The following ADAMTSL1 variants were observed in gnomAD, a reference collection of about 807,000 sequenced individuals.
ADAMTSL1 encodes the protein ADAMTS like 1, also known as ADAMTS-like protein 1.
ADAMTSL1 carries 126 observed loss-of-function variants against 201.8 expected under a neutral mutation model. That is an observed-to-expected ratio of 0.62 (90% confidence interval 0.54 to 0.72). The LOEUF is 0.72. ADAMTSL1 is among the 30% of genes least tolerant of loss of function. The pLI, the probability that ADAMTSL1 is intolerant of heterozygous loss-of-function variation, is 0.00. For synonymous variants in ADAMTSL1, 1,121 were observed against 903.4 expected, an observed-to-expected ratio of 1.24 and a Z score of -4.32; for missense variants, 2,679 against 2,277.8, an observed-to-expected ratio of 1.18 and a Z score of -3.59.
intron 19 of ADAMTSL1, among the ~76,000 whole-genome samples, chr9:18,786,360 C>T (rs1340931067): frequency 1.3e-5 from 2 of 152,182 alleles, no homozygotes; most frequent in African/African-American, 4.8e-5. Flanking sequence ...GGGCAGCCCA[C>T]GGTGGTAGGA....
chr9:18,788,444 T>C (rs1193813048), intron 19 of ADAMTSL1, among the ~76,000 whole-genome samples: 1 of 129,568 alleles, frequency 7.7e-6, no homozygotes, highest in Non-Finnish European at 1.6e-5. Flanking sequence ...TAGGCCCCGG[T>C]AGATTCCTGG....
At chr9:18,161,122 G>A (rs564516511) in intron 1 of ADAMTSL1, among the ~76,000 whole-genome samples, 2 of 152,008 alleles carry the variant, frequency 1.3e-5, no homozygotes, top group Non-Finnish European at 2.9e-5. Flanking sequence ...ATACAAGCAG[G>A]CAGACATTCT....
intron 2 of ADAMTSL1, among the ~76,000 whole-genome samples, chr9:18,269,917 A>G (rs567388711): frequency 2.0e-5 from 3 of 148,016 alleles, no homozygotes; most frequent in South Asian, 2.1e-4. Flanking sequence ...TGGGTGTGTT[A>G]TTAGCTCAAT....
intron 1 of ADAMTSL1, among the ~76,000 whole-genome samples, chr9:18,477,550 G>A (rs941818688): frequency 2.6e-5 from 4 of 152,092 alleles, no homozygotes; most frequent in African/African-American, 7.2e-5. Flanking sequence ...AGGAGACCGC[G>A]GCCTGTTCCA....
intron 2 of ADAMTSL1, among the ~76,000 whole-genome samples, chr9:18,457,458 A>T (rs1462516107): frequency 6.6e-6 from 1 of 152,080 alleles, no homozygotes; most frequent in Non-Finnish European, 1.5e-5. Flanking sequence ...CAGCCTTCTG[A>T]GTGGCTGGCT....
rs1422514074 is a variant in ADAMTSL1, at chr9:18,293,592, C to G, written c.207+129611C>G. On this transcript the variant is annotated intron_variant, in intron 2 of 29. Transcript: ENST00000680146. ...AAAGATGAACTTTCCTGACTTCACACTTTTTCTCAGGCCATACCAGAGTAA... is the reference window on the plus strand; with the variant it reads ...AAAGATGAACTTTCCTGACTTCACAGTTTTTCTCAGGCCATACCAGAGTAA... 2.0e-5 allele frequency among the ~76,000 whole-genome samples: 3 copies of G among 152,194 alleles called. No homozygotes were observed. In the East Asian group the frequency reaches 5.8e-4, roughly 29 times the overall value.
chr9:17,979,716 C>T (rs1818609684), intron 1 of ADAMTSL1, among the ~76,000 whole-genome samples: 2 of 152,028 alleles, frequency 1.3e-5, no homozygotes, highest in African/African-American at 2.4e-5. Flanking sequence ...TTCTGTGGCT[C>T]TGGTGTTTGT....
intron 2 of ADAMTSL1, among the ~76,000 whole-genome samples, chr9:18,265,889 A>G (rs1025484092): frequency 1.3e-5 from 2 of 152,216 alleles, no homozygotes; most frequent in Non-Finnish European, 2.9e-5. Flanking sequence ...AATCATAAAT[A>G]TCACCTAGAA....
chr9:18,740,797 G>C (rs1307011210), intron 15 of ADAMTSL1, among the ~76,000 whole-genome samples: 2 of 152,050 alleles, frequency 1.3e-5, no homozygotes, highest in Non-Finnish European at 1.5e-5. Context: ...TTCTAGTCCT[G>C]AGCATGGGAA....
intron 2 of ADAMTSL1, among the ~76,000 whole-genome samples, chr9:18,248,080 G>A (rs1289261583): frequency 6.6e-6 from 1 of 152,140 alleles, no homozygotes; most frequent in Admixed American, 6.5e-5. Context: ...TAGTTACCAG[G>A]AAACCTATCC....
intron 1 of ADAMTSL1, among the ~76,000 whole-genome samples, chr9:18,066,741 T>G (rs1056057636): frequency 6.6e-6 from 1 of 152,192 alleles, no homozygotes; most frequent in Non-Finnish European, 1.5e-5. Flanking sequence ...TCAACCCAAA[T>G]GTCCAACAAT....
chr9:17,991,126 A>G (rs1170357689), intron 1 of ADAMTSL1, among the ~76,000 whole-genome samples: 1 of 152,186 alleles, frequency 6.6e-6, no homozygotes, highest in Admixed American at 6.5e-5. Flanking sequence ...CTTATCCCAA[A>G]CGCTGTACTG....
intron 15 of ADAMTSL1, among the ~76,000 whole-genome samples, chr9:18,728,054 T>G (rs1315548639): frequency 2.0e-5 from 3 of 151,696 alleles, no homozygotes; most frequent in African/African-American, 4.9e-5. Context: ...CACTCCAGCC[T>G]GGGCAACAGA....
intron 1 of ADAMTSL1, among the ~76,000 whole-genome samples, chr9:17,979,910 T>C (rs1030277904): frequency 3.3e-5 from 5 of 152,124 alleles, no homozygotes; most frequent in Non-Finnish European, 7.4e-5. Context: ...GTAGTCCTTC[T>C]GCTTGGGTCC....
At chr9:18,871,670 C>T (rs1827877512) in intron 23 of ADAMTSL1, among the ~76,000 whole-genome samples, 1 of 152,164 alleles carries the variant, frequency 6.6e-6, no homozygotes, top group Non-Finnish European at 1.5e-5. Flanking sequence ...GGAAGAGCTT[C>T]TCTTACTGAC....
intron 7 of ADAMTSL1, among the ~76,000 whole-genome samples, chr9:18,652,498 G>T (rs1828356420): frequency 6.6e-6 from 1 of 151,712 alleles, no homozygotes; most frequent in Admixed American, 6.6e-5. Context: ...ACTTTATTTT[G>T]GTGAAACAGC....
At chr9:17,992,479 C>T (rs139845779) in intron 1 of ADAMTSL1, among the ~76,000 whole-genome samples, 21 of 152,258 alleles carry the variant, frequency 1.4e-4, no homozygotes, top group Middle Eastern at 3.4e-3. Flanking sequence ...CAGATGAATG[C>T]TTGTACTTGG....
intron 2 of ADAMTSL1, among the ~76,000 whole-genome samples, chr9:18,211,489 C>G (rs938248007): frequency 6.6e-6 from 1 of 152,122 alleles, no homozygotes; most frequent in African/African-American, 2.4e-5. Context: ...TGTTTAAAAA[C>G]AGCAAACAAA....
intron 2 of ADAMTSL1, among the ~76,000 whole-genome samples, chr9:18,279,334 G>A (rs951398951): frequency 2.0e-5 from 3 of 151,960 alleles, no homozygotes; most frequent in Admixed American, 6.6e-5. Flanking sequence ...ATCTGTGCAG[G>A]TGGACCCACA....
Sources: gnomAD v4.1 joint callset for allele counts (sites outside exome capture counted in the v4.1 genomes callset) on GRCh38, gnomAD v4.1.1 for gene constraint, MANE v1.5 for transcripts, NCBI Gene and HGNC (gene_info 2026-07-23, HGNC 2026-07-21) for gene names.